KLHL13: variants seen among roughly 807,000 people sequenced by gnomAD.
KLHL13 encodes the protein kelch like family member 13, also known as kelch-like protein 13.
A neutral mutation model predicts 37.1 loss-of-function variants in KLHL13; 10 were observed. That is an observed-to-expected ratio of 0.27 (90% CI 0.17 to 0.46). The LOEUF is 0.46. KLHL13 is among the 20% of genes least tolerant of loss of function. KLHL13 has a pLI of 1.00. For synonymous variants in KLHL13, 163 were observed against 181.2 expected (o/e 0.90, Z 0.81); for missense variants, 360 against 509.3 (o/e 0.71, Z 2.82).
intron 1 of KLHL13, among the ~76,000 whole-genome samples, chrX:117,951,754 T>C (rs1328840197): frequency 3.6e-5 from 4 of 112,405 alleles, no homozygotes; most frequent in Non-Finnish European, 7.5e-5. Context: ...AGGAATAAGA[T>C]CATTTACCCA....
intron 1 of KLHL13, among the ~76,000 whole-genome samples, chrX:118,002,595 AAAAT>A (rs571584663): frequency 0.2 from 18,679 of 94,034 alleles, 2,214 homozygotes; most frequent in African/African-American, 0.34. Flanking sequence ...CTCTGTCTCG[AAAAT>A]AAATAAATAA....
exon 5 of KLHL13, chrX:117,909,568 G>A: frequency 2.5e-6 from 3 of 1,211,660 alleles, no homozygotes; most frequent in Non-Finnish European, 3.4e-6. Flanking sequence ...TTCCACTCAT[G>A]GGCCTTTTCA....
chrX:118,081,940 TTGTGTGTGTG>T (rs762989393), intron 1 of KLHL13, among the ~76,000 whole-genome samples: 2 of 97,696 alleles, frequency 2.0e-5, no homozygotes, highest in East Asian at 3.2e-4. Context: ...TAGTATTCCA[TTGTGTGTGTG>T]TGTGTGTGTG....
intron 1 of KLHL13, among the ~76,000 whole-genome samples, chrX:117,984,426 T>TGTCTTGG (rs927336632): frequency 5.4e-5 from 6 of 111,619 alleles, no homozygotes; most frequent in Admixed American, 4.8e-4. Flanking sequence ...CAAAATAAAC[T>TGTCTTGG]GTCTTGGTTT....
chrX:117,906,764 CT>C, intron 5 of KLHL13, among the ~76,000 whole-genome samples: 1 of 111,314 alleles, frequency 9.0e-6, no homozygotes, highest in Non-Finnish European at 1.9e-5. Context: ...AGTTTAGCTA[CT>C]TATAGGTTAC....
intron 1 of KLHL13, among the ~76,000 whole-genome samples, chrX:118,051,889 G>T (rs1176907877): frequency 9.0e-6 from 1 of 111,330 alleles, no homozygotes; most frequent in Non-Finnish European, 1.9e-5. Flanking sequence ...CATCATGGCT[G>T]GTGTTTGGGG....
chrX:117,965,608 G>C (rs1228385847), intron 1 of KLHL13, among the ~76,000 whole-genome samples: 1 of 111,103 alleles, frequency 9.0e-6, no homozygotes, highest in Non-Finnish European at 1.9e-5. Context: ...CAGAAAAAGA[G>C]AATTTTAGAC....
At chrX:117,959,852 GCAAGTT>G (rs1342086863) in intron 1 of KLHL13, among the ~76,000 whole-genome samples, 1 of 111,734 alleles carries the variant, frequency 8.9e-6, no homozygotes, top group Non-Finnish European at 1.9e-5. Context: ...AAATGATTAA[GCAAGTT>G]CATTTAGAAC....
At chrX:118,017,816 G>A (rs1380151209) in intron 1 of KLHL13, among the ~76,000 whole-genome samples, 1 of 111,312 alleles carries the variant, frequency 9.0e-6, no homozygotes, top group African/African-American at 3.3e-5. Context: ...ACAGTGTTTG[G>A]CACTCTTTCT....
intron 1 of KLHL13, among the ~76,000 whole-genome samples, chrX:118,110,081 T>A (rs1330356703): frequency 3.6e-5 from 4 of 111,505 alleles, no homozygotes; most frequent in Non-Finnish European, 7.5e-5. Context: ...TTTAGTTTAG[T>A]TAGAAAGGAA....
chrX:118,107,240 T>C (rs147360624), intron 1 of KLHL13, among the ~76,000 whole-genome samples: 178 of 112,373 alleles, frequency 1.6e-3, no homozygotes, highest in Non-Finnish European at 2.8e-3. Context: ...ATTGGGCTAA[T>C]TGTATTAAAA....
intron 1 of KLHL13, among the ~76,000 whole-genome samples, chrX:118,007,521 T>C (rs2054000637): frequency 9.0e-6 from 1 of 111,507 alleles, no homozygotes. Context: ...GGCACAGCTC[T>C]TCCTGTCAAA....
chrX:117,908,405 C>CCT (rs1351433565), intron 5 of KLHL13, among the ~76,000 whole-genome samples: 6 of 108,599 alleles, frequency 5.5e-5, no homozygotes, highest in Non-Finnish European at 9.5e-5. Flanking sequence ...CCCCCCAACC[C>CCT]CAGACAGGCC....
At chrX:117,951,732 C>G (rs1309496402) in intron 1 of KLHL13, among the ~76,000 whole-genome samples, 2 of 112,307 alleles carry the variant, frequency 1.8e-5, no homozygotes, top group East Asian at 5.6e-4. Flanking sequence ...TAGCTTCTGT[C>G]TGTTTTAACA....
At chrX:118,065,001 T>A (rs1484920099) in intron 1 of KLHL13, among the ~76,000 whole-genome samples, 1 of 111,794 alleles carries the variant, frequency 8.9e-6, no homozygotes, top group African/African-American at 3.2e-5. Context: ...GTAATGCATG[T>A]CTAATATTTT....
rs768746458 is a variant in KLHL13 at position 117,963,980 on chromosome X, G to A, written c.98+8751C>T. Among the ~76,000 whole-genome samples, 130 of 77,989 alleles carry A rather than the reference G, an allele frequency of 1.7e-3. 1 individual carries two copies. The highest frequency in any genetic ancestry group is 6.2e-3 in the African/African-American group (126 of 20,227). 67.7% of individuals were successfully genotyped at this position (77,989 alleles called of 115,157 possible). Reference sequence around the variant, plus strand: ...CACCGCATATTCTCACTCATAGGTGGGAATTGAACAATGAGATCACATGGA... The same window carrying A: ...CACCGCATATTCTCACTCATAGGTGAGAATTGAACAATGAGATCACATGGA... On this transcript the variant is annotated intron_variant, in intron 1 of 6. Transcript: ENST00000262820.
chrX:118,019,673 G>T (rs1248624904), intron 1 of KLHL13, among the ~76,000 whole-genome samples: 1 of 111,041 alleles, frequency 9.0e-6, no homozygotes, highest in Non-Finnish European at 1.9e-5. Context: ...TTTTGTATAA[G>T]GTGTAAGGAA....
intron 3 of KLHL13, 150 bp downstream of exon 4, chrX:117,920,088 C>T: frequency 2.0e-6 from 1 of 512,560 alleles, no homozygotes; most frequent in African/African-American, 2.5e-5. Context: ...CATGTTAAAA[C>T]AGCACCACCG....
intron 1 of KLHL13, among the ~76,000 whole-genome samples, chrX:117,994,768 T>C (rs142420516): frequency 0.056 from 6,234 of 112,150 alleles, 416 homozygotes; most frequent in African/African-American, 0.19. Flanking sequence ...AACTAGTGTC[T>C]AATATGTTCT....
Sources: allele counts gnomAD v4.1 joint callset (sites outside exome capture counted in the v4.1 genomes callset), GRCh38; gene constraint gnomAD v4.1.1; transcripts MANE v1.5; gene names NCBI Gene and HGNC (gene_info 2026-07-23, HGNC 2026-07-21).